HPSE2: variants seen among roughly 807,000 people sequenced by gnomAD.
HPSE2 encodes the protein inactive heparanase-2.
HPSE2 carries 38 observed loss-of-function variants against 60.5 expected under a neutral mutation model. The ratio of observed to expected loss-of-function variants is 0.63; its 90% CI spans 0.48 to 0.82. The LOEUF (loss-of-function observed/expected upper bound fraction) is 0.82, where lower values mean the gene tolerates loss of function less well. Ranked by LOEUF, HPSE2 falls within the 40% of genes least tolerant of loss-of-function variation. HPSE2 has a pLI of 0.00. For synonymous variants in HPSE2, 295 were observed against 293.2 expected (o/e 1.01, Z -0.06); for missense variants, 713 against 740.4 (o/e 0.96, Z 0.43).
chr10:98,491,863 A>T (rs531017835), intron 9 of HPSE2, among the ~76,000 whole-genome samples: 4 of 152,310 alleles, frequency 2.6e-5, no homozygotes, highest in African/African-American at 9.6e-5. Flanking sequence ...AAGGAATTCA[A>T]CCTAAAGGGT....
chr10:98,917,417 T>C (rs992191156), intron 3 of HPSE2, among the ~76,000 whole-genome samples: 2 of 152,200 alleles, frequency 1.3e-5, no homozygotes, highest in Admixed American at 6.5e-5. Context: ...ATATAAATTA[T>C]ATAAGCAATC....
At chr10:98,790,115 AAAG>A (rs1238470544) in intron 3 of HPSE2, among the ~76,000 whole-genome samples, 7 of 152,202 alleles carry the variant, frequency 4.6e-5, no homozygotes, top group Admixed American at 6.5e-5. Context: ...ATTGAGATAC[AAAG>A]AAGGAGGTGG....
At chr10:99,165,081 CAAAAAAAAA>C (rs56263581) in intron 2 of HPSE2, among the ~76,000 whole-genome samples, 2 of 65,782 alleles carry the variant, frequency 3.0e-5, no homozygotes, top group South Asian at 7.6e-4. Flanking sequence ...GACTCGGTCT[CAAAAAAAAA>C]AAAAAAAAAA....
rs1033568373 is a variant in HPSE2 at position 99,074,187 on chromosome 10, T to C, written c.610+70051A>G. ...TCACCATTAAATATAATGTTAAATG[T>C]GGGCTTTTCATATATGGCCATTATG... On this transcript the variant is annotated intron_variant, in intron 3 of 11. Coordinates refer to ENST00000370552, the MANE Select transcript of HPSE2 (RefSeq NM_021828.5). Among the ~76,000 whole-genome samples, 4 of 152,202 alleles carry C rather than the reference T, an allele frequency of 2.6e-5. No individual in the cohort carries two copies. In the East Asian group the frequency reaches 7.7e-4, roughly 29 times the overall value.
At chr10:99,230,741 C>A (rs556117998) in intron 2 of HPSE2, among the ~76,000 whole-genome samples, 1 of 152,188 alleles carries the variant, frequency 6.6e-6, no homozygotes, top group South Asian at 2.1e-4. Context: ...CCTTTCCTCC[C>A]TCCCTCACCC....
chr10:99,079,216 G>A (rs970659771), intron 3 of HPSE2, among the ~76,000 whole-genome samples: 2 of 152,096 alleles, frequency 1.3e-5, no homozygotes, highest in Non-Finnish European at 2.9e-5. Flanking sequence ...TTCTTTGGCA[G>A]CCCACAGAGA....
intron 4 of HPSE2, among the ~76,000 whole-genome samples, chr10:98,728,730 G>A (rs571458966): frequency 6.6e-6 from 1 of 152,144 alleles, no homozygotes; most frequent in Non-Finnish European, 1.5e-5. Flanking sequence ...AAAACAGGGT[G>A]GGTGTGGTGG....
At chr10:98,882,472 G>A (rs1953050702) in intron 3 of HPSE2, among the ~76,000 whole-genome samples, 1 of 151,946 alleles carries the variant, frequency 6.6e-6, no homozygotes, top group Non-Finnish European at 1.5e-5. Context: ...GCTTCAGATT[G>A]TAAACTGGGT....
At chr10:98,680,464 G>C (rs1947755719) in intron 6 of HPSE2, among the ~76,000 whole-genome samples, 1 of 152,154 alleles carries the variant, frequency 6.6e-6, no homozygotes. Context: ...CATTTGGACT[G>C]ACTGTTTAAA....
At chr10:98,563,028 C>T (rs1944236877) in intron 9 of HPSE2, among the ~76,000 whole-genome samples, 1 of 152,104 alleles carries the variant, frequency 6.6e-6, no homozygotes, top group Non-Finnish European at 1.5e-5. Flanking sequence ...ATGTGTTCCT[C>T]AAAAGGTTAC....
chr10:98,504,138 T>C (rs1266539289), intron 9 of HPSE2, among the ~76,000 whole-genome samples: 1 of 152,254 alleles, frequency 6.6e-6, no homozygotes, highest in Admixed American at 6.5e-5. Context: ...TTCAGGAATC[T>C]ATTAGATCTC....
chr10:98,675,297 G>T (rs1947608074), intron 6 of HPSE2, among the ~76,000 whole-genome samples: 1 of 152,074 alleles, frequency 6.6e-6, no homozygotes, highest in Non-Finnish European at 1.5e-5. Flanking sequence ...AAATGTAAAA[G>T]CTGAAATTCA....
intron 3 of HPSE2, among the ~76,000 whole-genome samples, chr10:99,036,851 A>G (rs75058321): frequency 0.017 from 2,649 of 152,250 alleles, 78 homozygotes; most frequent in African/African-American, 0.061. Flanking sequence ...CTTAATTCCC[A>G]TCCTCTTTAG....
At chr10:98,701,831 C>A (rs1948418622) in intron 5 of HPSE2, among the ~76,000 whole-genome samples, 1 of 152,048 alleles carries the variant, frequency 6.6e-6, no homozygotes, top group African/African-American at 2.4e-5. Context: ...AAGGAAAAAA[C>A]CAGTACCAGC....
chr10:99,270,310 C>G, the HPSE2 span, among the ~76,000 whole-genome samples: 2 of 151,980 alleles, frequency 1.3e-5, no homozygotes, highest in African/African-American at 4.8e-5. Flanking sequence ...GAACCAATAC[C>G]ACAGAAATAC....
chr10:98,512,429 C>CA (rs1184549019), intron 9 of HPSE2, among the ~76,000 whole-genome samples: 1 of 151,972 alleles, frequency 6.6e-6, no homozygotes, highest in Non-Finnish European at 1.5e-5. Context: ...AAAACACACA[C>CA]AAAAAATTAG....
chr10:98,753,522 A>G (rs186503800), intron 3 of HPSE2, among the ~76,000 whole-genome samples: 126 of 152,368 alleles, frequency 8.3e-4, no homozygotes, highest in Non-Finnish European at 1.5e-3. Flanking sequence ...TAATAAATAT[A>G]TAAACAAAAT....
chr10:99,102,990 A>G (rs1356118500), intron 3 of HPSE2, among the ~76,000 whole-genome samples: 2 of 152,320 alleles, frequency 1.3e-5, no homozygotes, highest in African/African-American at 4.8e-5. Flanking sequence ...TCTCAAAATA[A>G]TAAGAGCTAT....
intron 3 of HPSE2, among the ~76,000 whole-genome samples, chr10:98,797,640 A>G (rs2489838): frequency 0.86 from 129,820 of 151,816 alleles, 55,841 homozygotes; most frequent in African/African-American, 0.93. Context: ...TCAGGCGATC[A>G]AGACCATCCT....
Sources: gnomAD v4.1 joint callset for allele counts (sites outside exome capture counted in the v4.1 genomes callset) on GRCh38, gnomAD v4.1.1 for gene constraint, MANE v1.5 for transcripts, NCBI Gene and HGNC (gene_info 2026-07-23, HGNC 2026-07-21) for gene names.